The following LIMS1 variants were observed in gnomAD, a reference collection of about 807,000 sequenced individuals.
The protein encoded by LIMS1 is LIM zinc finger domain containing 1.
In LIMS1, 18 loss-of-function variants were observed where a neutral mutation model predicts 44.1. The observed-to-expected ratio is 0.41, with a 90% CI of 0.28 to 0.61. The LOEUF (loss-of-function observed/expected upper bound fraction) is 0.61, where lower values mean the gene tolerates loss of function less well. LIMS1 is among the 20% of genes least tolerant of loss of function. LIMS1 has a pLI of 0.32. For synonymous variants in LIMS1, 93 were observed against 149.1 expected, an observed-to-expected ratio of 0.62 and a Z score of 2.74; for missense variants, 201 against 422.0, an observed-to-expected ratio of 0.48 and a Z score of 4.59.
At chr2:108,667,549 A>T (rs376136291) in intron 2 of LIMS1, among the ~76,000 whole-genome samples, 4,955 of 73,332 alleles carry the variant, frequency 0.068, 114 homozygotes, top group African/African-American at 0.12. Context: ...AAAAAAAAAA[A>T]AAATATATAT....
chr2:108,673,279 T>C (rs1469432099), intron 5 of LIMS1: 3 of 594,068 alleles, frequency 5.0e-6, no homozygotes, highest in Non-Finnish European at 5.9e-6. Flanking sequence ...CCTATGTATG[T>C]GTGCACGTGT....
Position 108,630,491 on chromosome 2 carries a change from G to A in LIMS1, c.33-29114G>A, listed in dbSNP as rs543490979. Among the ~76,000 whole-genome samples the A allele has an allele frequency of 6.1e-5, 9 of 147,074 alleles. No individual in the cohort carries two copies. The South Asian group carries it at 1.0e-3, about 17-fold the overall frequency. On this transcript the variant is annotated intron_variant, in intron 1 of 9. Coordinates refer to ENST00000544547, the Ensembl canonical transcript of LIMS1. ...GTTGGATAATGGTTCAGAGGGATTC[G>A]TTATACTCACTCGTTTAATATATGT...
At position 108,535,524 on chromosome 2, in the gene LIMS1, C is replaced by G. The variant is rs1573281576; in HGVS notation, c.32+930C>G. Among the ~76,000 whole-genome samples, 4 of 152,286 alleles carry G rather than the reference C, an allele frequency of 2.6e-5. No individual in the cohort carries two copies. The East Asian group carries it at 7.7e-4, about 29-fold the overall frequency. On this transcript the variant is annotated intron_variant, in intron 1 of 9. Coordinates refer to ENST00000544547, the Ensembl canonical transcript of LIMS1. Reference sequence around the variant, plus strand: ...CTTGCAGTTTGAATGCAGCTGTTACCCATTGTAACACCATATATTTGTCGT... The same window carrying G: ...CTTGCAGTTTGAATGCAGCTGTTACGCATTGTAACACCATATATTTGTCGT...
At chr2:108,600,794 T>C (rs1573413119) in intron 1 of LIMS1, among the ~76,000 whole-genome samples, 1 of 152,366 alleles carries the variant, frequency 6.6e-6, no homozygotes, top group East Asian at 1.9e-4. Context: ...TAATTGGAAA[T>C]CCAGTAATGT....
At chr2:108,553,117 T>G (rs1284301555) in intron 1 of LIMS1, among the ~76,000 whole-genome samples, 1 of 152,178 alleles carries the variant, frequency 6.6e-6, no homozygotes, top group Non-Finnish European at 1.5e-5. Context: ...CATGTGGGCC[T>G]CCTCCTTACA....
chr2:108,570,479 T>G (rs2104630330), intron 1 of LIMS1, among the ~76,000 whole-genome samples: 1 of 152,240 alleles, frequency 6.6e-6, no homozygotes, highest in African/African-American at 2.4e-5. Flanking sequence ...GAGACCAGCT[T>G]TCCAGAAACC....
At chr2:108,605,871 A>C (rs2104735884) in intron 1 of LIMS1, among the ~76,000 whole-genome samples, 1 of 152,344 alleles carries the variant, frequency 6.6e-6, no homozygotes, top group East Asian at 1.9e-4. Flanking sequence ...AAGGGGATGG[A>C]GTGGCTCTGG....
chr2:108,536,028 A>G (rs902726125), intron 1 of LIMS1, among the ~76,000 whole-genome samples: 3 of 152,238 alleles, frequency 2.0e-5, no homozygotes, highest in African/African-American at 7.2e-5. Flanking sequence ...AAAAAAAAGT[A>G]TTGACTAGTA....
intron 1 of LIMS1, among the ~76,000 whole-genome samples, chr2:108,619,715 T>G (rs1688135699): frequency 6.6e-6 from 1 of 151,888 alleles, no homozygotes; most frequent in Non-Finnish European, 1.5e-5. Context: ...CAAAAAGAAT[T>G]GGATACTTCA....
Position 108,634,505 on chromosome 2 carries a change from T to G in LIMS1, c.33-25100T>G, listed in dbSNP as rs144259773. 1.1e-3 allele frequency among the ~76,000 whole-genome samples: 164 copies of G among 152,318 alleles called. 3 individuals are homozygous for G. The highest frequency in any genetic ancestry group is 3.9e-3 in the African/African-American group (161 of 41,564). ...TCATACAGAACATTGCCCCTACCAC[T>G]AGCAAGAGGCAAATCTTTCAGCCCT... is the stretch of plus-strand genomic sequence containing the variant. On this transcript the variant is annotated intron_variant, in intron 1 of 9. Coordinates refer to ENST00000544547, the Ensembl canonical transcript of LIMS1.
chr2:108,550,556 C>T (rs1684649354), intron 1 of LIMS1, among the ~76,000 whole-genome samples: 3 of 151,754 alleles, frequency 2.0e-5, no homozygotes, highest in Non-Finnish European at 4.4e-5. Context: ...TGGCTCACGC[C>T]TGTAATCCCA....
chr2:108,561,516 G>A (rs986408668), intron 1 of LIMS1, among the ~76,000 whole-genome samples: 2 of 152,110 alleles, frequency 1.3e-5, no homozygotes, highest in Non-Finnish European at 2.9e-5. Flanking sequence ...CTATGTGTGT[G>A]TAGATGGAGA....
intron 1 of LIMS1, among the ~76,000 whole-genome samples, chr2:108,571,946 C>T (rs1029924218): frequency 5.3e-5 from 8 of 152,166 alleles, no homozygotes; most frequent in African/African-American, 1.9e-4. Context: ...AAGCCAGGAA[C>T]CATGGGCCCT....
chr2:108,614,805 G>A (rs763507706), intron 1 of LIMS1, among the ~76,000 whole-genome samples: 19 of 152,170 alleles, frequency 1.2e-4, no homozygotes, highest in Admixed American at 2.6e-4. Context: ...TGAAGTGAAA[G>A]TTGATGTGTT....
At chr2:108,632,911 T>C (rs1689011867) in intron 1 of LIMS1, among the ~76,000 whole-genome samples, 1 of 152,240 alleles carries the variant, frequency 6.6e-6, no homozygotes, top group Non-Finnish European at 1.5e-5. Flanking sequence ...CATTGATTTC[T>C]GAATGAGAAA....
intron 9 of LIMS1, chr2:108,681,736 C>A: frequency 4.2e-6 from 1 of 239,232 alleles, no homozygotes. Flanking sequence ...GCCTGGACTA[C>A]ATGCCTAGAC....
chr2:108,672,422 C>G, exon 4 of LIMS1: 2 of 1,000,302 alleles, frequency 2.0e-6, no homozygotes, highest in Non-Finnish European at 2.8e-6. Flanking sequence ...TGGCAGATAT[C>G]GGGTTTGTCA....
intron 1 of LIMS1, among the ~76,000 whole-genome samples, chr2:108,650,403 C>G (rs1573554152): frequency 6.7e-6 from 1 of 148,354 alleles, no homozygotes; most frequent in African/African-American, 2.5e-5. Context: ...CCTAAACTTT[C>G]TTTTCTTTTC....
chr2:108,631,520 T>G (rs1483686333), intron 1 of LIMS1, among the ~76,000 whole-genome samples: 4 of 151,686 alleles, frequency 2.6e-5, no homozygotes, highest in Admixed American at 6.6e-5. Flanking sequence ...CAAAAGGGAC[T>G]CTGTCTTGGA....
Sources: allele counts gnomAD v4.1 joint callset (sites outside exome capture counted in the v4.1 genomes callset), GRCh38; gene constraint gnomAD v4.1.1; transcripts MANE v1.5; gene names NCBI Gene and HGNC (gene_info 2026-07-23, HGNC 2026-07-21).